The following LRRTM4 variants were observed in gnomAD, a reference collection of about 807,000 sequenced individuals.
LRRTM4 encodes leucine-rich repeat transmembrane neuronal protein 4.
In LRRTM4, 25 loss-of-function variants were observed where a neutral mutation model predicts 47.6. The observed-to-expected ratio is 0.53, with a 90% CI of 0.38 to 0.73. The LOEUF (loss-of-function observed/expected upper bound fraction) is 0.73, where lower values mean the gene tolerates loss of function less well. Among genes scored for constraint, LRRTM4 ranks in the 30% least tolerant of loss-of-function variants. LRRTM4 has a pLI of 0.00. For missense variants in LRRTM4, 638 were observed against 713.4 expected, an observed-to-expected ratio of 0.89 and a Z score of 1.20; for synonymous variants, 311 against 269.5, an observed-to-expected ratio of 1.15 and a Z score of -1.51.
chr2:77,305,427 A>T (rs1407756658), intron 3 of LRRTM4, among the ~76,000 whole-genome samples: 1 of 152,104 alleles, frequency 6.6e-6, no homozygotes, highest in Non-Finnish European at 1.5e-5. Context: ...GGTAGTAGCT[A>T]AAAAGTTGAT....
At chr2:77,283,627 A>C (rs1465967288) in intron 3 of LRRTM4, among the ~76,000 whole-genome samples, 1 of 152,110 alleles carries the variant, frequency 6.6e-6, no homozygotes, top group Non-Finnish European at 1.5e-5. Flanking sequence ...ACACCATGGA[A>C]TACCATGCAA....
chr2:77,202,971 G>T (rs1227153152), intron 3 of LRRTM4, among the ~76,000 whole-genome samples: 1 of 152,010 alleles, frequency 6.6e-6, no homozygotes, highest in East Asian at 1.9e-4. Flanking sequence ...GCCCTCAGGT[G>T]ACCGTATTCC....
At position 77,146,728 on chromosome 2, in the gene LRRTM4, A is replaced by G. The variant is rs1672270702; in HGVS notation, c.1551+371590T>C. Among the ~76,000 whole-genome samples, 3 of 152,164 alleles carry G rather than the reference A, an allele frequency of 2.0e-5. No homozygotes were observed. In the South Asian group the frequency reaches 6.2e-4, roughly 31 times the overall value. On this transcript the variant is annotated intron_variant, in intron 3 of 3. Transcript: ENST00000409884. ...TTTGCTATTTCACTCTAATGGACAC[A>G]TTCTATTTTAGGGTGATGGTAAAAA...
intron 3 of LRRTM4, among the ~76,000 whole-genome samples, chr2:77,489,762 C>T (rs1011811232): frequency 6.6e-6 from 1 of 152,148 alleles, no homozygotes; most frequent in African/African-American, 2.4e-5. Flanking sequence ...ACAAAGAAAA[C>T]TGGACAGCAA....
chr2:76,951,155 T>C (rs1275867548), intron 3 of LRRTM4, among the ~76,000 whole-genome samples: 1 of 152,090 alleles, frequency 6.6e-6, no homozygotes, highest in Non-Finnish European at 1.5e-5. Context: ...TTATAAGTCT[T>C]GTTCTAAATT....
At chr2:77,061,980 C>T (rs1679802054) in intron 3 of LRRTM4, among the ~76,000 whole-genome samples, 1 of 152,110 alleles carries the variant, frequency 6.6e-6, no homozygotes, top group South Asian at 2.1e-4. Context: ...GTATAAACCA[C>T]AAGTGACCTT....
intron 3 of LRRTM4, among the ~76,000 whole-genome samples, chr2:77,091,962 T>C (rs1278328178): frequency 1.3e-5 from 2 of 150,406 alleles, no homozygotes; most frequent in African/African-American, 5.0e-5. Context: ...GACCACACCC[T>C]GTAGCCTTTC....
chr2:76,823,669 G>A (rs756456067), intron 3 of LRRTM4, among the ~76,000 whole-genome samples: 8 of 151,342 alleles, frequency 5.3e-5, no homozygotes, highest in Admixed American at 2.0e-4. Context: ...CATTGAGAAT[G>A]AGAGTCAAGT....
At chr2:76,756,000 A>C (rs1334571645) in intron 3 of LRRTM4, among the ~76,000 whole-genome samples, 6 of 152,156 alleles carry the variant, frequency 3.9e-5, no homozygotes, top group African/African-American at 1.2e-4. Flanking sequence ...AAGCTATCAT[A>C]AGACTGAAAG....
chr2:76,985,708 TA>T (rs766864489), intron 3 of LRRTM4, among the ~76,000 whole-genome samples: 19 of 152,050 alleles, frequency 1.2e-4, no homozygotes, highest in Non-Finnish European at 2.5e-4. Context: ...AGATAAAATC[TA>T]ATGCTTTAAA....
intron 3 of LRRTM4, among the ~76,000 whole-genome samples, chr2:77,094,861 A>G (rs1558577533): frequency 6.6e-6 from 1 of 152,210 alleles, no homozygotes; most frequent in Non-Finnish European, 1.5e-5. Context: ...GCTCCATGAC[A>G]TTGGTCTGGA....
At chr2:77,005,329 G>T (rs182817376) in intron 3 of LRRTM4, among the ~76,000 whole-genome samples, 1 of 152,122 alleles carries the variant, frequency 6.6e-6, no homozygotes, top group African/African-American at 2.4e-5. Context: ...AATTTTAGTA[G>T]AGACAGGGTT....
chr2:76,920,947 T>C (rs1481462398), intron 3 of LRRTM4, among the ~76,000 whole-genome samples: 1 of 152,128 alleles, frequency 6.6e-6, no homozygotes, highest in Non-Finnish European at 1.5e-5. Flanking sequence ...AAGATTATAC[T>C]GAGTTTCCAC....
Position 77,519,071 on chromosome 2 carries a change from T to C in LRRTM4, c.798A>G (p.Gln266=). Residue 266 remains glutamine (Q), a synonymous_variant, in exon 3 of 4, where the codon CAA becomes CAG. Coordinates refer to ENST00000409884, the MANE Select transcript of LRRTM4 (RefSeq NM_001134745.3). The surrounding 1 kb of genome is among the most constrained non-coding windows in gnomAD (Gnocchi z 4.6). ...HNLDLSGNDI[Q]GIEPGTFKCL... ...ATTTAAATGTGCCCGGCTCAATTCCTTGGATGTCATTCCCTGATAAATCCA... is the reference window on the plus strand; with the variant it reads ...ATTTAAATGTGCCCGGCTCAATTCCCTGGATGTCATTCCCTGATAAATCCA... The C allele has an allele frequency of 6.2e-7, 1 of 1,612,828 alleles. No homozygotes were observed. Among genetic ancestry groups the C allele is most frequent in the Non-Finnish European group, 8.5e-7 (1 of 1,179,404 alleles).
intron 3 of LRRTM4, among the ~76,000 whole-genome samples, chr2:77,262,840 C>A (rs911218892): frequency 6.6e-6 from 1 of 151,892 alleles, no homozygotes; most frequent in Non-Finnish European, 1.5e-5. Context: ...TCCTAGAGCT[C>A]TGAAAATTTC....
chr2:77,129,777 G>C (rs1023508753), intron 3 of LRRTM4, among the ~76,000 whole-genome samples: 13 of 152,040 alleles, frequency 8.6e-5, no homozygotes, highest in Non-Finnish European at 1.8e-4. Context: ...TTCTCCTTAA[G>C]ACAATCTGTT....
At chr2:77,006,250 A>C (rs2104044918) in intron 3 of LRRTM4, among the ~76,000 whole-genome samples, 1 of 152,246 alleles carries the variant, frequency 6.6e-6, no homozygotes, top group South Asian at 2.1e-4. Context: ...TCCATTCTTT[A>C]ATCTGGACCC....
intron 3 of LRRTM4, among the ~76,000 whole-genome samples, chr2:77,451,825 G>T (rs1472692161): frequency 6.6e-6 from 1 of 152,188 alleles, no homozygotes; most frequent in Non-Finnish European, 1.5e-5. Flanking sequence ...ATCTGTTGAA[G>T]TTATAGCTGA....
At chr2:77,246,519 A>T (rs939333819) in intron 3 of LRRTM4, among the ~76,000 whole-genome samples, 4 of 152,210 alleles carry the variant, frequency 2.6e-5, no homozygotes, top group African/African-American at 9.6e-5. Flanking sequence ...CACATGAAAC[A>T]TAATTTAAAT....
Sources: allele counts gnomAD v4.1 joint callset (sites outside exome capture counted in the v4.1 genomes callset), GRCh38; gene constraint gnomAD v4.1.1; non-coding constraint Gnocchi (gnomAD v3.1); transcripts MANE v1.5; gene names NCBI Gene and HGNC (gene_info 2026-07-23, HGNC 2026-07-21).